CTNND1: variants seen among roughly 807,000 people sequenced by gnomAD.
CTNND1 encodes the protein catenin delta 1.
In CTNND1, 16 loss-of-function variants were observed where a neutral mutation model predicts 112.1. The ratio of observed to expected loss-of-function variants is 0.14; its 90% confidence interval spans 0.10 to 0.22. The LOEUF is 0.22. Ranked by LOEUF, CTNND1 falls within the 10% of genes least tolerant of loss-of-function variation. The pLI is 1.00. For missense variants in CTNND1, 1,008 were observed against 1,257.0 expected (o/e 0.80, Z 3.00); for synonymous variants, 420 against 446.5 (o/e 0.94, Z 0.75).
chr11:57,814,421 C>A, intron 18 of CTNND1, 48 bp downstream of exon 18: 1 of 1,403,258 alleles, frequency 7.1e-7, no homozygotes, highest in Non-Finnish European at 1.0e-6. Context: ...ATTTCACTGG[C>A]TAAGGAGAGC....
intron 15 of CTNND1, 60 bp from the exon 16 acceptor site, chr11:57,810,049 G>A (rs2137452631): frequency 7.6e-7 from 1 of 1,315,436 alleles, no homozygotes; most frequent in East Asian, 2.4e-5. Context: ...AGGATATAGG[G>A]TCTAAGCTTT....
rs982374692 is a variant in CTNND1, at chr11:57,819,005, C to T, written c.*2697C>T. The stretch of plus-strand genomic sequence containing the variant: ...TATTAATATTTTACAGACCATATTA[C>T]CTGGATTACCAGGGACTATCTTTGC... On this transcript the variant is annotated 3_prime_UTR_variant, in exon 21 of 21. Coordinates refer to ENST00000399050, the MANE Select transcript of CTNND1 (RefSeq NM_001085458.2). 1.3e-5 allele frequency: 2 copies of T among 152,150 alleles called. No homozygotes were observed. The highest frequency in any genetic ancestry group is 6.5e-5 in the Admixed American group (1 of 15,276). 9.4% of individuals were successfully genotyped at this position (152,150 alleles called of 1,614,324 possible).
chr11:57,818,430 A>C lies in CTNND1; in HGVS notation c.*2122A>C, dbSNP rs2064089167. The C allele has an allele frequency of 6.6e-6, 1 of 152,164 alleles. No homozygotes were observed. Among genetic ancestry groups the C allele is most frequent in the Non-Finnish European group, 1.5e-5 (1 of 67,938 alleles). The allele number at this position is 152,164 out of a possible 1,614,324, so 9.4% of individuals were successfully genotyped here. ...AACAAATGAGTTTTTTATATAAATA[A>C]AGTTTTTAAAGTGTGTATGTGGGGG... On this transcript the variant is annotated 3_prime_UTR_variant, in exon 21 of 21. Transcript: ENST00000399050.
chr11:57,799,979 G>GTTTTTTTT (rs1157141511), intron 6 of CTNND1, among the ~76,000 whole-genome samples: 7 of 58,860 alleles, frequency 1.2e-4, no homozygotes, highest in Non-Finnish European at 2.1e-4. Context: ...TTGTTTCCGT[G>GTTTTTTTT]TTTTTTTTTT....
intron 1 of CTNND1, among the ~76,000 whole-genome samples, chr11:57,784,284 C>T (rs927724216): frequency 1.3e-5 from 2 of 150,846 alleles, no homozygotes; most frequent in African/African-American, 4.9e-5. Flanking sequence ...TGGCTCATGC[C>T]AGTAATCCCT....
chr11:57,796,043 A>G (rs1302392941), intron 5 of CTNND1, among the ~76,000 whole-genome samples: 1 of 152,170 alleles, frequency 6.6e-6, no homozygotes, highest in African/African-American at 2.4e-5. Context: ...ATTCCTAGGT[A>G]AAGTGACCTA....
intron 4 of CTNND1, 43 bp downstream of exon 4, chr11:57,794,124 T>C (rs755730641): frequency 6.4e-7 from 1 of 1,563,916 alleles, no homozygotes; most frequent in African/African-American, 1.4e-5. Context: ...ATTCATATTT[T>C]CTTATTTCCC....
At chr11:57,813,198 C>T (rs763766085) in intron 17 of CTNND1, among the ~76,000 whole-genome samples, 4 of 151,970 alleles carry the variant, frequency 2.6e-5, no homozygotes, top group Non-Finnish European at 4.4e-5. Flanking sequence ...GTGGCACATT[C>T]CTGTAGTCCC....
intron 19 of CTNND1, 195 bp from the exon 20 acceptor site, chr11:57,815,720 A>T (rs1041224586): frequency 5.0e-5 from 39 of 779,074 alleles, no homozygotes; most frequent in Non-Finnish European, 7.9e-5. Flanking sequence ...TGTTACTGAT[A>T]TGACTAACAC....
chr11:57,791,295 AGAGG>A, intron 2 of CTNND1, 86 bp from the exon 3 acceptor site: 1 of 1,141,724 alleles, frequency 8.8e-7, no homozygotes, highest in East Asian at 3.2e-5. Flanking sequence ...TAAAACCACG[AGAGG>A]GCATCTTTGG....
At position 57,814,301 on chromosome 11, in the gene CTNND1, C is replaced by T. The variant is rs1012203406; in HGVS notation, c.2639-10C>T. 2 of 1,606,490 alleles carry T rather than the reference C, an allele frequency of 1.2e-6. No individual in the cohort carries two copies. The highest frequency in any genetic ancestry group is 8.5e-7 in the Non-Finnish European group (1 of 1,174,914). ...GTTTTTGACATGGATAACTTTCTGA[C>T]TTCATACAGATAAGAAACCTGATCG... On this transcript the variant is annotated splice_polypyrimidine_tract_variant and intron_variant, in intron 17 of 20. Transcript: ENST00000399050.
At chr11:57,774,125 A>G (rs1272122911) in intron 1 of CTNND1, among the ~76,000 whole-genome samples, 1 of 152,124 alleles carries the variant, frequency 6.6e-6, no homozygotes, top group Non-Finnish European at 1.5e-5. Context: ...GCTTGCTCTT[A>G]CTCAAACCAG....
chr11:57,803,378 A>G (rs36105845), intron 7 of CTNND1, among the ~76,000 whole-genome samples: 5,381 of 152,222 alleles, frequency 0.035, 124 homozygotes, highest in Non-Finnish European at 0.055. Flanking sequence ...GTGAGCCACC[A>G]CACCCAGCCT....
rs138465967 is a variant in CTNND1, at chr11:57,770,724, A to G, written c.-214+8605A>G. ...TAGGAAGCTCATATTTTAAGAAACTAAAATATATTCTCATGGTTGAGGACA... is the reference window on the plus strand; with the variant it reads ...TAGGAAGCTCATATTTTAAGAAACTGAAATATATTCTCATGGTTGAGGACA... On this transcript the variant is annotated intron_variant, in intron 1 of 20. Coordinates refer to ENST00000399050, the MANE Select transcript of CTNND1 (RefSeq NM_001085458.2). Among the ~76,000 whole-genome samples, 7 of 152,314 alleles carry G rather than the reference A, an allele frequency of 4.6e-5. No individual in the cohort carries two copies. In the East Asian group the frequency reaches 1.3e-3, roughly 29 times the overall value.
intron 1 of CTNND1, among the ~76,000 whole-genome samples, chr11:57,762,946 G>C (rs1413153307): frequency 2.6e-5 from 4 of 152,138 alleles, no homozygotes; most frequent in Non-Finnish European, 4.4e-5. Context: ...TTTGCACTCT[G>C]AAAGGGCCAA....
rs754613241 is a variant in CTNND1 at position 57,801,837 on chromosome 11, G to T, written c.1061G>T (p.Arg354Leu). 1.2e-6 allele frequency: 2 copies of T among 1,614,022 alleles called. No individual in the cohort carries two copies. The highest frequency in any genetic ancestry group is 2.2e-5 in the East Asian group (1 of 44,878). The change falls in exon 7 of 21, where the codon CGC becomes CTC. Residue 354 changes from arginine (R) to leucine (L), a missense_variant. Arg to Leu is a moderately radical substitution (Grantham distance 102). Around this residue, in one of 5 missense-constraint regions of CTNND1, gnomAD observed 216 missense variants for 342.8 expected, o/e 0.63. Transcript: ENST00000399050. ...AGTTTAGCAAGCTTGGATAGCCTGC[G>T]CAAAGGAGGGCCTCCACCTCCTAAT... is the stretch of plus-strand genomic sequence containing the variant. ...RGSLASLDSL[R>L]KGGPPPPNWR...
chr11:57,771,764 C>G (rs959765627), intron 1 of CTNND1, among the ~76,000 whole-genome samples: 3 of 152,112 alleles, frequency 2.0e-5, no homozygotes, highest in African/African-American at 7.2e-5. Flanking sequence ...CCTGACCCAA[C>G]CTCCATATTT....
intron 1 of CTNND1, among the ~76,000 whole-genome samples, chr11:57,787,843 G>GATGGT (rs1269589818): frequency 6.6e-6 from 1 of 152,206 alleles, no homozygotes; most frequent in African/African-American, 2.4e-5. Context: ...AAGCTGTGAA[G>GATGGT]ATGGTGGAAG....
At chr11:57,810,706 A>G (rs955993834) in intron 16 of CTNND1, among the ~76,000 whole-genome samples, 2 of 151,882 alleles carry the variant, frequency 1.3e-5, no homozygotes, top group South Asian at 2.1e-4. Flanking sequence ...TGTAATTCCA[A>G]CACTTTGGGA....
Sources: allele counts gnomAD v4.1 joint callset (sites outside exome capture counted in the v4.1 genomes callset), GRCh38; gene constraint gnomAD v4.1.1; regional missense constraint gnomAD v4.1.1; transcripts MANE v1.5; gene names NCBI Gene and HGNC (gene_info 2026-07-23, HGNC 2026-07-21).